Variants in DCC observed in about 807,000 individuals in gnomAD.
DCC encodes the protein DCC netrin 1 receptor.
In DCC, 58 loss-of-function variants were observed where a neutral mutation model predicts 172.5. The ratio of observed to expected loss-of-function variants is 0.34; its 90% confidence interval spans 0.27 to 0.42. The LOEUF (loss-of-function observed/expected upper bound fraction) is 0.42. Ranked by LOEUF, DCC falls within the 10% of genes least tolerant of loss-of-function variation. The pLI, the probability that DCC is intolerant of heterozygous loss-of-function variation, is 1.00. For missense variants in DCC, 1,740 were observed against 1,791.0 expected, an observed-to-expected ratio of 0.97 and a Z score of 0.51; for synonymous variants, 709 against 644.5, an observed-to-expected ratio of 1.10 and a Z score of -1.52.
intron 3 of DCC, among the ~76,000 whole-genome samples, chr18:52,912,650 G>A (rs1238460799): frequency 6.6e-6 from 1 of 152,010 alleles, no homozygotes; most frequent in East Asian, 1.9e-4. Context: ...TTTAGAAATA[G>A]GAGTCAGGAG....
chr18:52,470,703 A>G (rs1598844246), intron 1 of DCC, among the ~76,000 whole-genome samples: 1 of 152,224 alleles, frequency 6.6e-6, no homozygotes, highest in East Asian at 1.9e-4. Flanking sequence ...CTAAATCCCA[A>G]CACACAAAAT....
intron 8 of DCC, among the ~76,000 whole-genome samples, chr18:53,171,763 A>C (rs1178178895): frequency 6.6e-6 from 1 of 152,152 alleles, no homozygotes; most frequent in Non-Finnish European, 1.5e-5. Flanking sequence ...AACAGCAAAC[A>C]TATGAAAAAA....
chr18:53,143,920 A>G (rs530939202), intron 7 of DCC, among the ~76,000 whole-genome samples: 7 of 152,362 alleles, frequency 4.6e-5, no homozygotes, highest in African/African-American at 1.7e-4. Flanking sequence ...TGAAGGCCAC[A>G]GTGTTTTGTA....
intron 1 of DCC, among the ~76,000 whole-genome samples, chr18:52,407,397 G>C (rs182224693): frequency 6.6e-6 from 1 of 151,802 alleles, no homozygotes; most frequent in Non-Finnish European, 1.5e-5. Flanking sequence ...ATATATTTTC[G>C]GTTGTCCAGG....
At chr18:52,737,743 T>G (rs1253953086) in intron 1 of DCC, among the ~76,000 whole-genome samples, 1 of 151,996 alleles carries the variant, frequency 6.6e-6, no homozygotes, top group Non-Finnish European at 1.5e-5. Flanking sequence ...CTAATAGACA[T>G]TTAGTAGGTG....
chr18:52,924,974 AT>A (rs3216126), intron 4 of DCC, among the ~76,000 whole-genome samples: 2,480 of 150,074 alleles, frequency 0.017, 52 homozygotes, highest in African/African-American at 0.044. Context: ...ATTATCTATC[AT>A]TTTTTTTTTA....
chr18:53,453,774 TTAAATA>T (rs2045447502), intron 23 of DCC, among the ~76,000 whole-genome samples: 1 of 152,198 alleles, frequency 6.6e-6, no homozygotes. Flanking sequence ...GGCAGTTTCT[TTAAATA>T]TAATGATAAT....
rs1271449930 is a variant in DCC, at chr18:52,773,844, T to TATATA, written c.412+21470_412+21471insATATA. Among the ~76,000 whole-genome samples, 61 of 151,276 alleles carry TATATA rather than the reference T, an allele frequency of 4.0e-4. No individual in the cohort carries two copies. The East Asian group carries it at 4.9e-3, about 12-fold the overall frequency. ...GTGCCCAGCCCATATATATATATATTTTTTAAAGGTGGGAGTATATATACA... is the reference window on the plus strand; with the variant it reads ...GTGCCCAGCCCATATATATATATATTATATATTTTAAAGGTGGGAGTATATATACA... On this transcript the variant is annotated intron_variant, in intron 2 of 28. Coordinates refer to ENST00000442544, the MANE Select transcript of DCC (RefSeq NM_005215.4).
chr18:53,065,920 C>G, intron 6 of DCC, 126 bp from the exon 7 acceptor site: 9 of 1,086,968 alleles, frequency 8.3e-6, no homozygotes, highest in Non-Finnish European at 1.3e-5. Context: ...AGGCTGAGAC[C>G]CCTCATGGCC....
intron 12 of DCC, among the ~76,000 whole-genome samples, chr18:53,228,265 A>T (rs1309125459): frequency 6.6e-6 from 1 of 152,146 alleles, no homozygotes; most frequent in Non-Finnish European, 1.5e-5. Flanking sequence ...AAAAAATAAA[A>T]ATAAAAAATA....
intron 12 of DCC, among the ~76,000 whole-genome samples, chr18:53,291,474 A>G (rs2057004135): frequency 6.6e-6 from 1 of 152,156 alleles, no homozygotes; most frequent in Non-Finnish European, 1.5e-5. Flanking sequence ...CTCAAGTTGT[A>G]CTACTCACCT....
chr18:52,621,576 C>T (rs1337185419), intron 1 of DCC, among the ~76,000 whole-genome samples: 3 of 152,186 alleles, frequency 2.0e-5, no homozygotes, highest in African/African-American at 7.2e-5. Context: ...AGATGAACAA[C>T]TAGCAAAGGG....
At chr18:53,200,479 C>T (rs562821671) in intron 9 of DCC, among the ~76,000 whole-genome samples, 17 of 152,274 alleles carry the variant, frequency 1.1e-4, no homozygotes, top group Non-Finnish European at 5.9e-5. Context: ...CAACATTGTG[C>T]ATATCCTTGT....
intron 1 of DCC, among the ~76,000 whole-genome samples, chr18:52,745,690 A>G (rs984796562): frequency 2.0e-5 from 3 of 152,186 alleles, no homozygotes; most frequent in African/African-American, 4.8e-5. Context: ...TCACCAAATT[A>G]TTGTTAACTT....
At chr18:53,196,130 A>G (rs2055439435) in intron 9 of DCC, among the ~76,000 whole-genome samples, 1 of 152,176 alleles carries the variant, frequency 6.6e-6, no homozygotes, top group Non-Finnish European at 1.5e-5. Flanking sequence ...GCTGTCAGTA[A>G]TGTGTACATG....
intron 2 of DCC, among the ~76,000 whole-genome samples, chr18:52,851,985 CATACAT>C (rs1490911568): frequency 6.6e-6 from 1 of 152,042 alleles, no homozygotes; most frequent in Non-Finnish European, 1.5e-5. Flanking sequence ...ATACATGAAA[CATACAT>C]ATAACACAAG....
intron 5 of DCC, among the ~76,000 whole-genome samples, chr18:52,980,913 T>C (rs1450990973): frequency 6.6e-6 from 1 of 150,780 alleles, no homozygotes; most frequent in Non-Finnish European, 1.5e-5. Flanking sequence ...TCACAAACCT[T>C]CTAATTGTTT....
rs1011844582 is a variant in DCC, at chr18:52,753,011, A to G, written c.412+637A>G. 2.6e-5 allele frequency among the ~76,000 whole-genome samples: 4 copies of G among 152,102 alleles called. No individual in the cohort carries two copies. In the South Asian group the frequency reaches 8.3e-4, roughly 31 times the overall value. On this transcript the variant is annotated intron_variant, in intron 2 of 28. Transcript: ENST00000442544. ...TATACACACACACACATATATATAT[A>G]TATCTCATATTTTCTTTACCCATTC...
chr18:52,776,458 G>C (rs112096055), intron 2 of DCC, among the ~76,000 whole-genome samples: 8,025 of 152,156 alleles, frequency 0.053, 288 homozygotes, highest in South Asian at 0.16. Context: ...TTTTAAAAAA[G>C]CTGGAAGAAA....
Sources: gnomAD v4.1 joint callset for allele counts (sites outside exome capture counted in the v4.1 genomes callset) on GRCh38, gnomAD v4.1.1 for gene constraint, MANE v1.5 for transcripts, NCBI Gene and HGNC (gene_info 2026-07-23, HGNC 2026-07-21) for gene names.